The following PDE7B variants were observed in gnomAD, a reference collection of about 807,000 sequenced individuals.
The protein encoded by PDE7B is phosphodiesterase 7B.
Under a neutral mutation model 56.2 loss-of-function variants are expected in PDE7B, and 29 were observed. That is an observed-to-expected ratio of 0.52 (90% CI 0.38 to 0.70). The LOEUF (loss-of-function observed/expected upper bound fraction) is 0.70, where lower values mean the gene tolerates loss of function less well. Among genes scored for constraint, PDE7B ranks in the 30% least tolerant of loss-of-function variants. The probability of loss-of-function intolerance (pLI) is 0.00; values close to 1 mark genes in which losing one functional copy is unlikely to be tolerated. For missense variants in PDE7B, 490 were observed against 565.0 expected (o/e 0.87, Z 1.35); for synonymous variants, 197 against 196.9 (o/e 1.00, Z 0.00).
chr6:135,863,291 T>C (rs1282812267), intron 1 of PDE7B, among the ~76,000 whole-genome samples: 1 of 152,052 alleles, frequency 6.6e-6, no homozygotes, highest in Non-Finnish European at 1.5e-5. Context: ...TTGCCATCAT[T>C]TGCTTATATA....
intron 2 of PDE7B, among the ~76,000 whole-genome samples, chr6:136,088,294 G>A (rs1038562767): frequency 2.0e-5 from 3 of 152,142 alleles, no homozygotes; most frequent in Admixed American, 2.0e-4. Flanking sequence ...AAGAGAAGAG[G>A]CAGCCCCACA....
intron 2 of PDE7B, among the ~76,000 whole-genome samples, chr6:135,983,674 A>G (rs1043672088): frequency 3.3e-5 from 5 of 152,206 alleles, no homozygotes; most frequent in African/African-American, 1.2e-4. Flanking sequence ...ATACTCCCCC[A>G]GTATCCTATA....
chr6:136,106,782 G>A (rs1307377427), intron 2 of PDE7B, among the ~76,000 whole-genome samples: 1 of 152,176 alleles, frequency 6.6e-6, no homozygotes, highest in Non-Finnish European at 1.5e-5. Context: ...CAACTGCCGA[G>A]GAGAGAAAAA....
At chr6:135,987,776 A>G (rs1775407690) in intron 2 of PDE7B, among the ~76,000 whole-genome samples, 2 of 152,148 alleles carry the variant, frequency 1.3e-5, no homozygotes, top group South Asian at 4.1e-4. Context: ...TTATTCACTA[A>G]TAAATACATG....
chr6:136,191,789 C>G lies in PDE7B; in HGVS notation c.1302C>G (p.Asp434Glu), dbSNP rs749077663. The change falls in exon 13 of 13, where the codon GAC becomes GAG. Residue 434 changes from aspartate to glutamate, a missense_variant. Coordinates refer to ENST00000308191, the MANE Select transcript of PDE7B (RefSeq NM_018945.4). ...GCAGTGGCAGCGGGCCTGACCACGA[C>G]CACGCAGGCCAAGGGACTGAGAGCG... ...RGSSGSGPDHDHAGQGTESEE... is the reference protein window; with the variant it reads ...RGSSGSGPDHEHAGQGTESEE... The G allele has an allele frequency of 6.4e-7, 1 of 1,568,144 alleles. No homozygotes were observed. The highest frequency in any genetic ancestry group is 8.6e-7 in the Non-Finnish European group (1 of 1,157,174).
chr6:135,906,286 G>A (rs1431017992), intron 1 of PDE7B, among the ~76,000 whole-genome samples: 1 of 152,138 alleles, frequency 6.6e-6, no homozygotes, highest in African/African-American at 2.4e-5. Context: ...ATATCTTAAA[G>A]TTTATTTTAA....
chr6:136,101,625 G>A (rs922780204), intron 2 of PDE7B, among the ~76,000 whole-genome samples: 1 of 152,122 alleles, frequency 6.6e-6, no homozygotes, highest in African/African-American at 2.4e-5. Context: ...TTTGTGTAAT[G>A]TTTTGCATAA....
At chr6:135,998,102 T>C (rs974757068) in intron 2 of PDE7B, among the ~76,000 whole-genome samples, 6 of 152,204 alleles carry the variant, frequency 3.9e-5, no homozygotes, top group Non-Finnish European at 7.3e-5. Flanking sequence ...TGATGTAATG[T>C]ATTTGAAATC....
chr6:136,117,367 C>T (rs911638322), intron 3 of PDE7B, among the ~76,000 whole-genome samples: 1 of 152,140 alleles, frequency 6.6e-6, no homozygotes, highest in African/African-American at 2.4e-5. Flanking sequence ...TCATTGCCAT[C>T]CCACCTTCAA....
intron 1 of PDE7B, among the ~76,000 whole-genome samples, chr6:135,859,597 C>A (rs1775105857): frequency 6.6e-6 from 1 of 151,966 alleles, no homozygotes; most frequent in Admixed American, 6.6e-5. Flanking sequence ...AAATATAGTT[C>A]AATGGCTTAT....
chr6:135,930,451 G>A (rs1052941900), intron 1 of PDE7B, among the ~76,000 whole-genome samples: 3 of 152,318 alleles, frequency 2.0e-5, no homozygotes, highest in African/African-American at 7.2e-5. Flanking sequence ...TGGCTGCTAT[G>A]TGACAATTAG....
intron 2 of PDE7B, among the ~76,000 whole-genome samples, chr6:136,008,759 A>G (rs942899947): frequency 3.7e-4 from 57 of 152,002 alleles, no homozygotes; most frequent in Non-Finnish European, 6.6e-4. Context: ...AGTAGATTGC[A>G]AAAATTTTCT....
chr6:135,872,962 TA>T (rs1354516996), intron 1 of PDE7B, among the ~76,000 whole-genome samples: 2 of 152,304 alleles, frequency 1.3e-5, no homozygotes, highest in East Asian at 3.9e-4. Context: ...GAAAACTTCA[TA>T]ATCAGCAGAT....
intron 2 of PDE7B, among the ~76,000 whole-genome samples, chr6:135,954,963 C>T (rs1774763223): frequency 6.6e-6 from 1 of 152,070 alleles, no homozygotes. Flanking sequence ...CAAGCGAAGT[C>T]CAAACTATCA....
chr6:136,038,010 C>CTCT (rs1776353238), intron 2 of PDE7B: 1 of 1,295,490 alleles, frequency 7.7e-7, no homozygotes, highest in African/African-American at 1.5e-5. Context: ...AGTACAGTAA[C>CTCT]AGTTTCTCAC....
chr6:136,003,492 A>T (rs1775713346), intron 2 of PDE7B, among the ~76,000 whole-genome samples: 1 of 152,236 alleles, frequency 6.6e-6, no homozygotes, highest in African/African-American at 2.4e-5. Flanking sequence ...AGAATCAAAT[A>T]GACGCAATAA....
intron 2 of PDE7B, among the ~76,000 whole-genome samples, chr6:136,012,039 T>G (rs1775903161): frequency 6.6e-6 from 1 of 152,240 alleles, no homozygotes; most frequent in Non-Finnish European, 1.5e-5. Flanking sequence ...AAGTGAAATA[T>G]ACAAAAAGGC....
chr6:136,046,551 C>G (rs185142687), intron 2 of PDE7B, among the ~76,000 whole-genome samples: 3 of 152,192 alleles, frequency 2.0e-5, no homozygotes, highest in Non-Finnish European at 4.4e-5. Context: ...CTCCTGCACA[C>G]GCCTGAGAGG....
chr6:135,915,672 G>A (rs902708383), intron 1 of PDE7B, among the ~76,000 whole-genome samples: 3 of 152,130 alleles, frequency 2.0e-5, no homozygotes, highest in Non-Finnish European at 4.4e-5. Context: ...ACCCATGCCA[G>A]GCCCCCGGAA....
Sources: allele counts gnomAD v4.1 joint callset (sites outside exome capture counted in the v4.1 genomes callset), GRCh38; gene constraint gnomAD v4.1.1; transcripts MANE v1.5; gene names NCBI Gene and HGNC (gene_info 2026-07-23, HGNC 2026-07-21).